CPNE4: variants seen among roughly 807,000 people sequenced by gnomAD.
The protein encoded by CPNE4 is copine 4.
CPNE4 carries 25 observed loss-of-function variants against 67.9 expected under a neutral mutation model. The ratio of observed to expected loss-of-function variants is 0.37; its 90% CI spans 0.27 to 0.51. The LOEUF (loss-of-function observed/expected upper bound fraction) is 0.51, where lower values mean the gene tolerates loss of function less well. CPNE4 is among the 20% of genes least tolerant of loss of function. The pLI, the probability that CPNE4 is intolerant of heterozygous loss-of-function variation, is 0.93. For missense variants in CPNE4, 464 were observed against 690.8 expected (o/e 0.67, Z 3.68); for synonymous variants, 242 against 244.9 (o/e 0.99, Z 0.11).
intron 1 of CPNE4, among the ~76,000 whole-genome samples, chr3:131,910,902 A>C (rs2088950328): frequency 6.6e-6 from 1 of 152,126 alleles, no homozygotes; most frequent in African/African-American, 2.4e-5. Flanking sequence ...AAATCTCTTG[A>C]ATCAATAGAG....
intron 7 of CPNE4, among the ~76,000 whole-genome samples, chr3:131,603,080 C>T (rs1939298896): frequency 6.6e-6 from 1 of 152,066 alleles, no homozygotes; most frequent in South Asian, 2.1e-4. Flanking sequence ...ACTTATATCT[C>T]CACCTGTCTG....
chr3:131,638,734 C>T (rs2079459776), intron 7 of CPNE4, among the ~76,000 whole-genome samples: 1 of 152,122 alleles, frequency 6.6e-6, no homozygotes, highest in Non-Finnish European at 1.5e-5. Context: ...TTTATCAGCA[C>T]ATGGAACATT....
intron 1 of CPNE4, among the ~76,000 whole-genome samples, chr3:131,962,467 CA>C (rs2107924167): frequency 6.6e-6 from 1 of 152,312 alleles, no homozygotes; most frequent in South Asian, 2.1e-4. Flanking sequence ...CAGAACAAAA[CA>C]AAGACCATCC....
chr3:131,848,152 A>C (rs2086077065), intron 2 of CPNE4, among the ~76,000 whole-genome samples: 3 of 152,182 alleles, frequency 2.0e-5, no homozygotes, highest in Admixed American at 2.0e-4. Flanking sequence ...CAATTCAGGA[A>C]ATCCTTTTAG....
chr3:131,545,285 T>C (rs1452200891), intron 14 of CPNE4, among the ~76,000 whole-genome samples: 2 of 152,228 alleles, frequency 1.3e-5, no homozygotes, highest in Non-Finnish European at 2.9e-5. Context: ...CATTCTCAGC[T>C]TGCAAGCCAT....
At chr3:131,667,985 C>T (rs2080307115) in intron 7 of CPNE4, among the ~76,000 whole-genome samples, 1 of 152,158 alleles carries the variant, frequency 6.6e-6, no homozygotes, top group African/African-American at 2.4e-5. Context: ...GAAGTCACAG[C>T]TCTTGGCCAT....
intron 2 of CPNE4, among the ~76,000 whole-genome samples, chr3:131,863,297 A>G (rs1209552801): frequency 6.6e-6 from 1 of 152,104 alleles, no homozygotes; most frequent in African/African-American, 2.4e-5. Context: ...GACTTCCACA[A>G]TGGTTGAACT....
At chr3:131,914,583 A>C (rs1004799806) in intron 1 of CPNE4, among the ~76,000 whole-genome samples, 12 of 152,298 alleles carry the variant, frequency 7.9e-5, no homozygotes, top group African/African-American at 2.9e-4. Flanking sequence ...TTGGCAGTAC[A>C]AACACTGACT....
At chr3:131,945,975 T>C (rs1277089003) in intron 1 of CPNE4, among the ~76,000 whole-genome samples, 3 of 152,198 alleles carry the variant, frequency 2.0e-5, no homozygotes, top group Non-Finnish European at 2.9e-5. Context: ...TCAAACCTAC[T>C]AGAAGCTCTG....
chr3:131,804,198 T>A (rs1243214730), intron 2 of CPNE4, among the ~76,000 whole-genome samples: 2 of 152,030 alleles, frequency 1.3e-5, no homozygotes. Flanking sequence ...TCCTCCCTAT[T>A]CATTCACACT....
chr3:131,537,611 T>A, intron 15 of CPNE4: 1 of 306,334 alleles, frequency 3.3e-6, no homozygotes, highest in Non-Finnish European at 6.4e-6. Flanking sequence ...CTGATGAACA[T>A]TTTGGTTTAA....
chr3:131,834,348 T>A (rs2085480442), intron 2 of CPNE4, among the ~76,000 whole-genome samples: 1 of 152,158 alleles, frequency 6.6e-6, no homozygotes, highest in South Asian at 2.1e-4. Flanking sequence ...TGTGGATTGG[T>A]GAGGGAGGGG....
chr3:131,977,036 G>C (rs559115602), intron 1 of CPNE4, among the ~76,000 whole-genome samples: 137 of 152,160 alleles, frequency 9.0e-4, no homozygotes, highest in African/African-American at 3.0e-3. Context: ...TCCTGACCTC[G>C]TGATCTGCCC....
At chr3:131,941,741 C>G (rs1470755887) in intron 1 of CPNE4, among the ~76,000 whole-genome samples, 3 of 152,090 alleles carry the variant, frequency 2.0e-5, no homozygotes, top group Admixed American at 2.0e-4. Flanking sequence ...CCCTAATCAT[C>G]CTTGCACAAG....
At chr3:131,694,597 G>A (rs957865417) in intron 5 of CPNE4, among the ~76,000 whole-genome samples, 9 of 152,044 alleles carry the variant, frequency 5.9e-5, no homozygotes, top group African/African-American at 1.9e-4. Context: ...GCCAGGAAGG[G>A]GTGAGAAAAG....
chr3:131,977,762 G>C (rs1192519589), intron 1 of CPNE4, among the ~76,000 whole-genome samples: 1 of 151,710 alleles, frequency 6.6e-6, no homozygotes, highest in Non-Finnish European at 1.5e-5. Flanking sequence ...TGATTTGTGA[G>C]ATTTTGGTGC....
chr3:131,965,407 C>A (rs1219114091), intron 1 of CPNE4, among the ~76,000 whole-genome samples: 1 of 152,044 alleles, frequency 6.6e-6, no homozygotes, highest in Non-Finnish European at 1.5e-5. Context: ...GCTAAATGCC[C>A]CAATTAAAAG....
At chr3:131,793,432 T>G (rs1160745900) in intron 2 of CPNE4, among the ~76,000 whole-genome samples, 1 of 152,140 alleles carries the variant, frequency 6.6e-6, no homozygotes, top group Admixed American at 6.5e-5. Context: ...GTGATTAGAA[T>G]TACTGGGAGA....
chr3:131,763,178 C>G (rs945551037), intron 2 of CPNE4, among the ~76,000 whole-genome samples: 1 of 152,012 alleles, frequency 6.6e-6, no homozygotes, highest in Non-Finnish European at 1.5e-5. Context: ...GCACAATGAG[C>G]TTTTCCTTTT....
Sources: allele counts gnomAD v4.1 joint callset (sites outside exome capture counted in the v4.1 genomes callset), GRCh38; gene constraint gnomAD v4.1.1; transcripts MANE v1.5; gene names NCBI Gene and HGNC (gene_info 2026-07-23, HGNC 2026-07-21).